The following SCG3 variants were observed in gnomAD, a reference collection of about 807,000 sequenced individuals.
SCG3 encodes the protein secretogranin III.
A neutral mutation model predicts 56.2 loss-of-function variants in SCG3; 38 were observed. That is an observed-to-expected ratio of 0.68 (90% CI 0.52 to 0.89). The LOEUF is 0.89. SCG3 is among the 40% of genes least tolerant of loss of function. SCG3 has a pLI of 0.00. For missense variants in SCG3, 524 were observed against 540.7 expected, an observed-to-expected ratio of 0.97 and a Z score of 0.31; for synonymous variants, 176 against 184.2, an observed-to-expected ratio of 0.96 and a Z score of 0.36.
chr15:51,715,840 ATC>A (rs1475335332), intron 11 of SCG3, among the ~76,000 whole-genome samples: 2 of 150,626 alleles, frequency 1.3e-5, no homozygotes, highest in African/African-American at 4.9e-5. Context: ...ACCTCTTCAC[ATC>A]TGTCTTTGGG....
intron 9 of SCG3, among the ~76,000 whole-genome samples, chr15:51,700,605 T>C (rs1486208529): frequency 2.6e-5 from 4 of 152,166 alleles, no homozygotes; most frequent in Non-Finnish European, 5.9e-5. Context: ...AGTCCTGCCA[T>C]AGCCCCAGAT....
chr15:51,719,534 A>G lies in SCG3; in HGVS notation c.*8A>G. On this transcript the variant is annotated 3_prime_UTR_variant, in exon 12 of 12. Coordinates refer to ENST00000220478, the MANE Select transcript of SCG3 (RefSeq NM_013243.4). ...ATTTATAGCAGCCTGTAAAAATGGC[A>G]AAAGATCCAGGAGTCTTTCAACTGT... The G allele has an allele frequency of 7.6e-6, 12 of 1,581,342 alleles. No homozygotes were observed. Among genetic ancestry groups the G allele is most frequent in the African/African-American group, 1.3e-5 (1 of 74,296 alleles).
intron 6 of SCG3, among the ~76,000 whole-genome samples, chr15:51,691,057 C>T (rs1453782232): frequency 6.6e-6 from 1 of 152,146 alleles, no homozygotes; most frequent in African/African-American, 2.4e-5. Flanking sequence ...CTGACCTGGA[C>T]TTAGGCTCAG....
At chr15:51,719,375 C>A (rs930996789) in intron 11 of SCG3, 33 bp from the exon 12 acceptor site, 1 of 1,513,874 alleles carries the variant, frequency 6.6e-7, no homozygotes, top group Non-Finnish European at 9.2e-7. Context: ...CTTTCCTGAT[C>A]TTTGCTCATT....
At position 51,700,555 on chromosome 15, in the gene SCG3, T is replaced by C. The variant is rs73403325; in HGVS notation, c.1070-552T>C. Among the ~76,000 whole-genome samples the C allele has an allele frequency of 8.9e-4, 136 of 152,296 alleles. 1 individual carries two copies. The highest frequency in any genetic ancestry group is 3.1e-3 in the African/African-American group (127 of 41,552). On this transcript the variant is annotated intron_variant, in intron 9 of 11. Transcript: ENST00000220478. ...GTCTCTTCTTCGAATTTAGGGTTCC[T>C]AGGGGTAAAGGAGTGTGAAGAAAGG...
intron 11 of SCG3, among the ~76,000 whole-genome samples, chr15:51,718,199 T>TAGACAGACAGACAGACAGAC (rs3078130): frequency 6.7e-6 from 1 of 148,886 alleles, no homozygotes; most frequent in Non-Finnish European, 1.5e-5. Context: ...GATAGATAGA[T>TAGACAGACAGACAGACAGAC]AGACAGACAG....
At chr15:51,715,756 T>G (rs929226588) in intron 11 of SCG3, among the ~76,000 whole-genome samples, 6 of 152,156 alleles carry the variant, frequency 3.9e-5, no homozygotes, top group African/African-American at 1.4e-4. Flanking sequence ...GTAATAGCCG[T>G]GTCATAAAGA....
intron 10 of SCG3, among the ~76,000 whole-genome samples, chr15:51,709,672 TATATATATATATATATATATATATATATA>T (rs1162381687): frequency 1.1e-4 from 1 of 9,060 alleles, no homozygotes; most frequent in Non-Finnish European, 2.4e-4. Context: ...CATATATATA[TATATATATATATATATATATATATATATA>T]TTTTTTTTTT....
At chr15:51,692,695 T>C (rs971110186) in intron 7 of SCG3, among the ~76,000 whole-genome samples, 1 of 152,142 alleles carries the variant, frequency 6.6e-6, no homozygotes, top group Non-Finnish European at 1.5e-5. Context: ...CAACCTCAAC[T>C]CTTATTGCAA....
intron 9 of SCG3, among the ~76,000 whole-genome samples, chr15:51,700,490 A>G (rs1396090494): frequency 6.6e-6 from 1 of 152,196 alleles, no homozygotes. Context: ...TAAAGTGAGA[A>G]GGGAGCAAGA....
intron 6 of SCG3, among the ~76,000 whole-genome samples, chr15:51,691,929 G>C (rs1306971888): frequency 2.0e-5 from 3 of 148,672 alleles, no homozygotes. Flanking sequence ...CAGGAGCTGG[G>C]GTCTTCAGGG....
Position 51,681,563 on chromosome 15 carries a change from C to G in SCG3, c.-193C>G, listed in dbSNP as rs1272755742. 1.5e-5 allele frequency: 9 copies of G among 585,942 alleles called. No individual in the cohort carries two copies. The East Asian group carries it at 2.5e-4, about 16-fold the overall frequency. 36.3% of individuals were successfully genotyped at this position (585,942 alleles called of 1,614,324 possible). On this transcript the variant is annotated 5_prime_UTR_variant, in exon 1 of 12. Coordinates refer to ENST00000220478, the MANE Select transcript of SCG3 (RefSeq NM_013243.4). ...CCCCTCTACCTGGAGACTTGACTCC[C>G]GCGCGCCCCAACCCTGCTTATCCCT...
At chr15:51,704,628 T>C (rs2055361851) in intron 10 of SCG3, among the ~76,000 whole-genome samples, 1 of 151,324 alleles carries the variant, frequency 6.6e-6, no homozygotes, top group Admixed American at 6.6e-5. Flanking sequence ...TTCATCCATG[T>C]TGTAGCAAGT....
In SCG3 at chr15:51,681,576, C is replaced by A; in HGVS notation, c.-180C>A. The A allele has an allele frequency of 1.7e-6, 1 of 599,094 alleles. No homozygotes were observed. The allele number at this position is 599,094 out of a possible 1,614,324, so 37.1% of individuals were successfully genotyped here. A position where few individuals can be genotyped will look rare whatever the true frequency, so the allele number is the denominator to read the frequency against. On this transcript the variant is annotated 5_prime_UTR_variant, in exon 1 of 12. Transcript: ENST00000220478. ...AGACTTGACTCCCGCGCGCCCCAAC[C>A]CTGCTTATCCCTTGACCGTCGAGTG... is the stretch of plus-strand genomic sequence containing the variant.
intron 10 of SCG3, among the ~76,000 whole-genome samples, chr15:51,702,578 C>A (rs1018353300): frequency 6.6e-6 from 1 of 152,084 alleles, no homozygotes; most frequent in African/African-American, 2.4e-5. Flanking sequence ...ATTTTAGAAA[C>A]TTTACCATAC....
rs542303440 is a variant in SCG3 at position 51,712,722 on chromosome 15, C to T, written c.1208-611C>T. 1.9e-3 allele frequency among the ~76,000 whole-genome samples: 292 copies of T among 152,262 alleles called. 2 individuals are homozygous for T. Among genetic ancestry groups the T allele is most frequent in the Non-Finnish European group, 3.0e-3 (201 of 68,014 alleles). On this transcript the variant is annotated intron_variant, in intron 10 of 11. Coordinates refer to ENST00000220478, the MANE Select transcript of SCG3 (RefSeq NM_013243.4). The stretch of plus-strand genomic sequence containing the variant: ...TTCTCATGCCACACTTGAGGCCCAT[C>T]GAACAGTGTTTACATCCTGGGGAGT...
intron 11 of SCG3, among the ~76,000 whole-genome samples, chr15:51,717,293 G>A (rs775660813): frequency 2.2e-4 from 33 of 151,982 alleles, no homozygotes; most frequent in African/African-American, 6.0e-4. Flanking sequence ...GCGTGAACCC[G>A]GGAGGTGGAG....
At chr15:51,709,806 C>T (rs559537694) in intron 10 of SCG3, among the ~76,000 whole-genome samples, 6 of 138,914 alleles carry the variant, frequency 4.3e-5, no homozygotes, top group East Asian at 4.3e-4. Context: ...CTGCAAGCTC[C>T]GCCTCCCGGG....
chr15:51,711,612 T>G (rs1344511272), intron 10 of SCG3, among the ~76,000 whole-genome samples: 1 of 152,224 alleles, frequency 6.6e-6, no homozygotes, highest in Admixed American at 6.5e-5. Flanking sequence ...CTGAATTAAT[T>G]TGAAATAGAA....
Sources: gnomAD v4.1 joint callset for allele counts (sites outside exome capture counted in the v4.1 genomes callset) on GRCh38, gnomAD v4.1.1 for gene constraint, MANE v1.5 for transcripts, NCBI Gene and HGNC (gene_info 2026-07-23, HGNC 2026-07-21) for gene names.